The following NEK10 variants were observed in gnomAD, a reference collection of about 807,000 sequenced individuals.
NEK10 encodes the protein NIMA related kinase 10, also known as serine/threonine-protein kinase Nek10.
Under a neutral mutation model 159.8 loss-of-function variants are expected in NEK10, and 122 were observed. The observed-to-expected ratio is 0.76, with a 90% confidence interval of 0.66 to 0.89. NEK10 has a LOEUF of 0.89. NEK10 is among the 40% of genes least tolerant of loss of function. The pLI, the probability that NEK10 is intolerant of heterozygous loss-of-function variation, is 0.00. For synonymous variants in NEK10, 466 were observed against 457.1 expected (o/e 1.02, Z -0.25); for missense variants, 1,342 against 1,323.1 (o/e 1.01, Z -0.22).
intron 26 of NEK10, among the ~76,000 whole-genome samples, chr3:27,189,278 G>A (rs1948904353): frequency 6.6e-6 from 1 of 151,928 alleles, no homozygotes; most frequent in South Asian, 2.1e-4. Context: ...TATAAAAATT[G>A]CCATAATTAA....
intron 6 of NEK10, among the ~76,000 whole-genome samples, chr3:27,317,950 C>G (rs1456339685): frequency 6.6e-6 from 1 of 152,118 alleles, no homozygotes; most frequent in Non-Finnish European, 1.5e-5. Context: ...CTACAGGCGC[C>G]CGCCACCACG....
At chr3:27,340,220 A>C (rs2047105820) in intron 5 of NEK10, among the ~76,000 whole-genome samples, 1 of 152,202 alleles carries the variant, frequency 6.6e-6, no homozygotes, top group African/African-American at 2.4e-5. Context: ...ACATGGATGA[A>C]GCTGGAAGCC....
intron 22 of NEK10, among the ~76,000 whole-genome samples, chr3:27,271,368 CA>C (rs2041346443): frequency 7.2e-6 from 1 of 138,406 alleles, no homozygotes; most frequent in Admixed American, 7.7e-5. Flanking sequence ...AATCACTATA[CA>C]GAAAAAAAAA....
chr3:27,312,529 C>G (rs548220403), intron 7 of NEK10, among the ~76,000 whole-genome samples: 1 of 152,092 alleles, frequency 6.6e-6, no homozygotes, highest in Non-Finnish European at 1.5e-5. Context: ...AATGTTTATT[C>G]TTCAATGTAT....
chr3:27,191,726 TA>T (rs1234787485), intron 26 of NEK10, among the ~76,000 whole-genome samples: 4 of 152,230 alleles, frequency 2.6e-5, no homozygotes, highest in Admixed American at 2.6e-4. Context: ...CTGAAGAAAT[TA>T]AATATAAGCA....
At chr3:27,359,443 T>C (rs2048535039) in intron 1 of NEK10, among the ~76,000 whole-genome samples, 1 of 152,248 alleles carries the variant, frequency 6.6e-6, no homozygotes, top group Non-Finnish European at 1.5e-5. Context: ...GTTACAGTTC[T>C]GTCTGTTTTC....
intron 22 of NEK10, chr3:27,278,842 A>T: frequency 1.0e-6 from 1 of 985,090 alleles, no homozygotes; most frequent in Non-Finnish European, 1.2e-6. Flanking sequence ...ATGTGATGGC[A>T]CAATATGGAC....
chr3:27,156,929 G>GATACATAT (rs1553647311), intron 30 of NEK10, among the ~76,000 whole-genome samples: 43 of 28,338 alleles, frequency 1.5e-3, no homozygotes, highest in Non-Finnish European at 2.5e-3. Flanking sequence ...TAAAGAAACT[G>GATACATAT]ATATATATAT....
chr3:27,186,051 T>C (rs779608847), intron 26 of NEK10, among the ~76,000 whole-genome samples: 1 of 152,210 alleles, frequency 6.6e-6, no homozygotes, highest in Admixed American at 6.5e-5. Flanking sequence ...AGAACATGGC[T>C]GATCAAGGGA....
At chr3:27,276,140 T>C (rs1422900738) in intron 22 of NEK10, among the ~76,000 whole-genome samples, 1 of 152,098 alleles carries the variant, frequency 6.6e-6, no homozygotes, top group Admixed American at 6.5e-5. Context: ...CATTTGCTCA[T>C]TAATTCATTC....
intron 29 of NEK10, among the ~76,000 whole-genome samples, chr3:27,167,299 G>A (rs1946572578): frequency 6.6e-6 from 1 of 152,188 alleles, no homozygotes; most frequent in African/African-American, 2.4e-5. Flanking sequence ...TAATTAACAA[G>A]TATCTGTAGG....
chr3:27,291,285 C>T lies in NEK10; in HGVS notation c.1582G>A (p.Gly528Arg). Reference protein sequence around the residue: ...NYAILDHLGSGAFGCVYKVRK... With the variant: ...NYAILDHLGSRAFGCVYKVRK... ...ACCTTGTAAACACAGCCAAAAGCTC[C>T]ACTTCCAAGATGATCCAAAATTGCA... The change falls in exon 18 of 36, where the codon GGA becomes AGA. Residue 528 changes from glycine to arginine, a missense_variant. Gly to Arg is a moderately radical substitution (Grantham distance 125, BLOSUM62 -2). Coordinates refer to ENST00000691995, the MANE Select transcript of NEK10 (RefSeq NM_001394966.1). The T allele has an allele frequency of 6.2e-7, 1 of 1,613,458 alleles. No homozygotes were observed. The highest frequency in any genetic ancestry group is 2.2e-5 in the East Asian group (1 of 44,868).
intron 23 of NEK10, among the ~76,000 whole-genome samples, chr3:27,223,533 G>A (rs1357354150): frequency 1.3e-5 from 2 of 152,192 alleles, no homozygotes; most frequent in Non-Finnish European, 2.9e-5. Context: ...ATACTACTGA[G>A]CTTAGAAAAG....
chr3:27,187,631 G>T (rs13091103), intron 26 of NEK10, among the ~76,000 whole-genome samples: 1 of 151,824 alleles, frequency 6.6e-6, no homozygotes, highest in African/African-American at 2.4e-5. Context: ...GAAAACACTG[G>T]GGGGTAAAAA....
At chr3:27,341,414 A>G (rs140090167) in intron 5 of NEK10, among the ~76,000 whole-genome samples, 3 of 152,314 alleles carry the variant, frequency 2.0e-5, no homozygotes, top group African/African-American at 4.8e-5. Flanking sequence ...CCCTGACTTG[A>G]TCATTACACA....
chr3:27,133,349 G>C (rs778637691), intron 31 of NEK10, among the ~76,000 whole-genome samples: 1 of 152,234 alleles, frequency 6.6e-6, no homozygotes, highest in African/African-American at 2.4e-5. Context: ...CTACAGGGAG[G>C]GGCTCACAAC....
chr3:27,230,181 A>G (rs147660113), intron 23 of NEK10, among the ~76,000 whole-genome samples: 2 of 152,202 alleles, frequency 1.3e-5, no homozygotes, highest in East Asian at 3.9e-4. Flanking sequence ...CTCAGGAGAA[A>G]CCTTACAAGC....
chr3:27,345,198 C>T lies in NEK10; in HGVS notation c.264-828G>A, dbSNP rs144958236. On this transcript the variant is annotated intron_variant, in intron 4 of 35. Coordinates refer to ENST00000691995, the MANE Select transcript of NEK10 (RefSeq NM_001394966.1). ...AGGTGTGTAACCTTATGTTGCCATG[C>T]GTAATGTTCTGCCTTCTCAGTCTTT... 3.4e-3 allele frequency among the ~76,000 whole-genome samples: 519 copies of T among 152,260 alleles called. 4 individuals carry two copies. Among genetic ancestry groups the T allele is most frequent in the Non-Finnish European group, 4.0e-3 (270 of 68,028 alleles).
intron 32 of NEK10, among the ~76,000 whole-genome samples, chr3:27,127,279 A>G (rs1287676822): frequency 6.6e-6 from 1 of 152,166 alleles, no homozygotes; most frequent in Non-Finnish European, 1.5e-5. Context: ...TTTAAAAAAC[A>G]AAACCACAAT....
Sources: allele counts gnomAD v4.1 joint callset (sites outside exome capture counted in the v4.1 genomes callset), GRCh38; gene constraint gnomAD v4.1.1; transcripts MANE v1.5; gene names NCBI Gene and HGNC (gene_info 2026-07-23, HGNC 2026-07-21).